CRIM1: variants seen among roughly 807,000 people sequenced by gnomAD.
CRIM1 encodes cysteine-rich motor neuron 1 protein.
A neutral mutation model predicts 116.4 loss-of-function variants in CRIM1; 32 were observed. The ratio of observed to expected loss-of-function variants is 0.27; its 90% CI spans 0.21 to 0.37. The LOEUF is 0.37. Among genes scored for constraint, CRIM1 ranks in the 10% least tolerant of loss-of-function variants. The pLI is 1.00. For missense variants in CRIM1, 1,331 were observed against 1,354.8 expected (o/e 0.98, Z 0.28); for synonymous variants, 590 against 509.2 (o/e 1.16, Z -2.13).
At chr2:36,468,361 A>G (rs1678213186) in intron 5 of CRIM1, among the ~76,000 whole-genome samples, 1 of 152,334 alleles carries the variant, frequency 6.6e-6, no homozygotes, top group Admixed American at 6.5e-5. Context: ...AGCATCCTCC[A>G]TAAATATTAC....
chr2:36,393,021 C>T (rs1233145422), intron 1 of CRIM1, among the ~76,000 whole-genome samples: 1 of 152,130 alleles, frequency 6.6e-6, no homozygotes, highest in East Asian at 1.9e-4. Context: ...AAGGGGCCAG[C>T]GGCCTCATCA....
At chr2:36,444,741 T>A (rs998604746) in intron 4 of CRIM1, among the ~76,000 whole-genome samples, 1 of 152,224 alleles carries the variant, frequency 6.6e-6, no homozygotes, top group African/African-American at 2.4e-5. Context: ...CCTGCTCATT[T>A]GTTCGCTTTG....
chr2:36,475,017 G>A (rs1436782551), intron 5 of CRIM1, among the ~76,000 whole-genome samples: 2 of 152,078 alleles, frequency 1.3e-5, no homozygotes, highest in Non-Finnish European at 2.9e-5. Context: ...ATTATGTTTT[G>A]AAATTAGGAA....
chr2:36,431,869 A>T (rs1050275117), intron 2 of CRIM1, among the ~76,000 whole-genome samples: 1 of 152,208 alleles, frequency 6.6e-6, no homozygotes, highest in African/African-American at 2.4e-5. Flanking sequence ...ACATTTTATT[A>T]TGTACTTTTT....
chr2:36,447,471 T>C (rs77396871), intron 4 of CRIM1, among the ~76,000 whole-genome samples: 1,949 of 152,284 alleles, frequency 0.013, 46 homozygotes, highest in African/African-American at 0.045. Flanking sequence ...ATTCTGTGTG[T>C]TGACTGAGCA....
chr2:36,478,475 C>T (rs1679157522), intron 6 of CRIM1, among the ~76,000 whole-genome samples: 1 of 152,114 alleles, frequency 6.6e-6, no homozygotes, highest in East Asian at 1.9e-4. Flanking sequence ...CCAGGCTCAA[C>T]GTAGAAAAAT....
intron 2 of CRIM1, among the ~76,000 whole-genome samples, chr2:36,418,238 A>C (rs1386418264): frequency 6.6e-6 from 1 of 152,210 alleles, no homozygotes; most frequent in Non-Finnish European, 1.5e-5. Flanking sequence ...GCAGGAGTGC[A>C]AGGCCCCAGG....
At chr2:36,528,499 T>C (rs1197305520) in intron 13 of CRIM1, among the ~76,000 whole-genome samples, 2 of 152,230 alleles carry the variant, frequency 1.3e-5, no homozygotes, top group Non-Finnish European at 2.9e-5. Flanking sequence ...TTGGTTTATG[T>C]TGAGAGGCTA....
At chr2:36,358,128 G>C (rs1668979409) in intron 1 of CRIM1, among the ~76,000 whole-genome samples, 3 of 151,396 alleles carry the variant, frequency 2.0e-5, no homozygotes, top group Admixed American at 2.0e-4. Context: ...GTAAGACATT[G>C]GGTTAGAAGA....
chr2:36,385,578 G>C (rs534119250), intron 1 of CRIM1, among the ~76,000 whole-genome samples: 68 of 152,202 alleles, frequency 4.5e-4, no homozygotes, highest in African/African-American at 1.6e-3. Flanking sequence ...TTGTCCTGGT[G>C]GTTAAAGGAC....
At chr2:36,467,881 A>T (rs1395143809) in intron 5 of CRIM1, among the ~76,000 whole-genome samples, 1 of 152,248 alleles carries the variant, frequency 6.6e-6, no homozygotes, top group South Asian at 2.1e-4. Context: ...GAGATTTTTC[A>T]TATGGAAAGG....
intron 2 of CRIM1, among the ~76,000 whole-genome samples, chr2:36,422,415 T>C (rs1674138805): frequency 6.6e-6 from 1 of 152,138 alleles, no homozygotes; most frequent in Non-Finnish European, 1.5e-5. Context: ...CCCTGCATAA[T>C]TGAATAGTTT....
Position 36,476,934 on chromosome 2 carries a change from G to C in CRIM1, c.1037G>C (p.Gly346Ala), listed in dbSNP as rs1404140382. 1 of 1,614,048 alleles carries C rather than the reference G, an allele frequency of 6.2e-7. No individual in the cohort carries two copies. The highest frequency in any genetic ancestry group is 1.1e-5 in the South Asian group (1 of 91,070). The change falls in exon 6 of 17, where the codon GGA becomes GCA. Residue 346 changes from glycine (G) to alanine (A), a missense_variant. Gly to Ala is a moderately conservative substitution (Grantham distance 60, BLOSUM62 0). Coordinates refer to ENST00000280527, the MANE Select transcript of CRIM1 (RefSeq NM_016441.3). ...CVFNNVEYYD[G>A]DMFRMDNCRF... ...TTTAACAATGTGGAATATTATGATGGAGACATGTTTCGAATGGACAACTGT... is the reference window on the plus strand; with the variant it reads ...TTTAACAATGTGGAATATTATGATGCAGACATGTTTCGAATGGACAACTGT...
chr2:36,366,380 C>G (rs894741950), intron 1 of CRIM1, among the ~76,000 whole-genome samples: 2 of 151,884 alleles, frequency 1.3e-5, no homozygotes, highest in Non-Finnish European at 2.9e-5. Context: ...TTCAGACTAT[C>G]CTGAGAACAT....
At chr2:36,457,419 G>C (rs1677220957) in intron 4 of CRIM1, among the ~76,000 whole-genome samples, 1 of 152,160 alleles carries the variant, frequency 6.6e-6, no homozygotes, top group Admixed American at 6.5e-5. Flanking sequence ...GTTGAAGAAG[G>C]TACAGTTTCT....
At chr2:36,516,380 A>G (rs996773675) in intron 11 of CRIM1, among the ~76,000 whole-genome samples, 21 of 152,254 alleles carry the variant, frequency 1.4e-4, no homozygotes, top group African/African-American at 5.1e-4. Flanking sequence ...TGCTTGTTGC[A>G]TTTGGATTAC....
At chr2:36,386,643 G>A (rs1572614540) in intron 1 of CRIM1, among the ~76,000 whole-genome samples, 1 of 152,296 alleles carries the variant, frequency 6.6e-6, no homozygotes, top group East Asian at 1.9e-4. Context: ...TATTTGCTAA[G>A]CCCTATGATA....
intron 4 of CRIM1, among the ~76,000 whole-genome samples, chr2:36,444,610 T>C (rs1181411306): frequency 2.0e-5 from 3 of 152,224 alleles, no homozygotes; most frequent in Non-Finnish European, 4.4e-5. Flanking sequence ...AATGAAGACA[T>C]TGAAAACATA....
chr2:36,468,257 C>A (rs976141111), intron 5 of CRIM1, among the ~76,000 whole-genome samples: 2 of 152,130 alleles, frequency 1.3e-5, no homozygotes, highest in Admixed American at 6.6e-5. Context: ...TTTTTAAAAT[C>A]AACTTTAAAG....
Sources: allele counts gnomAD v4.1 joint callset (sites outside exome capture counted in the v4.1 genomes callset), GRCh38; gene constraint gnomAD v4.1.1; transcripts MANE v1.5; gene names NCBI Gene and HGNC (gene_info 2026-07-23, HGNC 2026-07-21).